Variants in SLC4A4 observed in about 807,000 individuals in gnomAD.
SLC4A4 encodes electrogenic sodium bicarbonate cotransporter 1.
Under a neutral mutation model 111.5 loss-of-function variants are expected in SLC4A4, and 27 were observed. The ratio of observed to expected loss-of-function variants is 0.24; its 90% CI spans 0.18 to 0.33. The LOEUF is 0.33. SLC4A4 is among the 10% of genes least tolerant of loss of function. The probability of loss-of-function intolerance (pLI) is 1.00; values close to 1 mark genes in which losing one functional copy is unlikely to be tolerated. For missense variants in SLC4A4, 909 were observed against 1,315.5 expected (o/e 0.69, Z 4.78); for synonymous variants, 443 against 463.4 (o/e 0.96, Z 0.57).
chr4:71,381,058 G>A (rs1287974351), intron 6 of SLC4A4, among the ~76,000 whole-genome samples: 1 of 152,198 alleles, frequency 6.6e-6, no homozygotes, highest in Non-Finnish European at 1.5e-5. Flanking sequence ...ATTATGGGCT[G>A]TGATCAGCTT....
At chr4:71,322,506 G>A (rs1295689551) in intron 3 of SLC4A4, among the ~76,000 whole-genome samples, 2 of 151,994 alleles carry the variant, frequency 1.3e-5, no homozygotes, top group Non-Finnish European at 2.9e-5. Context: ...AATCTGTAGA[G>A]TTTATTTTGG....
At chr4:71,080,963 C>T (rs556453094) in intron 1 of SLC4A4, among the ~76,000 whole-genome samples, 1 of 152,180 alleles carries the variant, frequency 6.6e-6, no homozygotes, top group Non-Finnish European at 1.5e-5. Flanking sequence ...TTTCTTCCTC[C>T]ACATATCCCC....
intron 2 of SLC4A4, among the ~76,000 whole-genome samples, chr4:71,144,605 T>C (rs1013704556): frequency 1.6e-4 from 25 of 151,592 alleles, no homozygotes; most frequent in Non-Finnish European, 7.4e-5. Context: ...CATTTGTTTG[T>C]ATCCTCTTTT....
At chr4:71,293,098 C>T (rs1724504422) in intron 3 of SLC4A4, among the ~76,000 whole-genome samples, 1 of 150,590 alleles carries the variant, frequency 6.6e-6, no homozygotes, top group South Asian at 2.1e-4. Context: ...GCTTCGGCCT[C>T]CCAAAGTGCT....
At chr4:71,269,358 C>A (rs147418467) in intron 3 of SLC4A4, among the ~76,000 whole-genome samples, 1 of 152,076 alleles carries the variant, frequency 6.6e-6, no homozygotes. Flanking sequence ...TAGCTTTTAC[C>A]GTATTTGAAA....
intron 2 of SLC4A4, among the ~76,000 whole-genome samples, chr4:71,174,219 TC>T (rs1345804658): frequency 6.6e-6 from 1 of 151,888 alleles, no homozygotes; most frequent in Non-Finnish European, 1.5e-5. Flanking sequence ...AAAGAGATTG[TC>T]CTCACTCAAA....
At chr4:71,339,950 G>T (rs1473982986) in intron 4 of SLC4A4, among the ~76,000 whole-genome samples, 7 of 152,016 alleles carry the variant, frequency 4.6e-5, no homozygotes, top group Non-Finnish European at 1.0e-4. Flanking sequence ...AGGTGCAGTG[G>T]CTTGTGCCTG....
chr4:71,354,050 A>G (rs941246463), intron 5 of SLC4A4, among the ~76,000 whole-genome samples: 1 of 152,258 alleles, frequency 6.6e-6, no homozygotes, highest in Non-Finnish European at 1.5e-5. Context: ...TCTTTAAAGT[A>G]TTATAAAGGA....
In SLC4A4 at chr4:71,532,078, G is replaced by A; in HGVS notation, c.2183G>A (p.Ser728Asn). 3.1e-6 allele frequency: 5 copies of A among 1,610,484 alleles called. No individual in the cohort carries two copies. The highest frequency in any genetic ancestry group is 4.2e-6 in the Non-Finnish European group (5 of 1,177,054). Residue 728 changes from serine (S) to asparagine (N), a missense_variant, in exon 17 of 26, where the codon AGT (serine) becomes AAT (asparagine). Around this residue, in one of 7 missense-constraint regions of SLC4A4, gnomAD observed 264 missense variants for 356.8 expected, o/e 0.74. Transcript: ENST00000264485. Reference protein sequence around the residue: ...YFPTTARKLISDFAIILSILI... With the variant: ...YFPTTARKLINDFAIILSILI... ...TTTTTCCAGGCAAGAAAACTGATCA[G>A]TGATTTTGCCATTATCTTGTCCATT...
chr4:71,450,551 A>T lies in SLC4A4; in HGVS notation c.1208+8A>T, dbSNP rs1211697144. On this transcript the variant is annotated splice_region_variant and intron_variant, in intron 10 of 25. Coordinates refer to ENST00000264485, the MANE Select transcript of SLC4A4 (RefSeq NM_001098484.3). ...TCCATCCTCTGACAAAAGGTAAATTATAGGCAGTTGATAATTTTCAGTAGC... is the reference window on the plus strand; with the variant it reads ...TCCATCCTCTGACAAAAGGTAAATTTTAGGCAGTTGATAATTTTCAGTAGC... 1.2e-6 allele frequency: 2 copies of T among 1,612,338 alleles called. No homozygotes were observed. The highest frequency in any genetic ancestry group is 1.1e-5 in the South Asian group (1 of 90,892).
chr4:71,366,354 T>TGTGG (rs994039177), intron 6 of SLC4A4, among the ~76,000 whole-genome samples: 10 of 151,658 alleles, frequency 6.6e-5, no homozygotes, highest in African/African-American at 2.2e-4. Flanking sequence ...TGTGTGTGTG[T>TGTGG]GTATCTATTT....
intron 3 of SLC4A4, among the ~76,000 whole-genome samples, chr4:71,319,191 T>C (rs1309485340): frequency 6.6e-6 from 1 of 152,062 alleles, no homozygotes; most frequent in Non-Finnish European, 1.5e-5. Flanking sequence ...TGTGCATAGC[T>C]TAGTTCCTTT....
chr4:71,221,601 A>T lies in SLC4A4; in HGVS notation c.-1-14975A>T, dbSNP rs1394773768. On this transcript the variant is annotated intron_variant, in intron 1 of 25. Transcript: ENST00000264485. ...TCTATGCTATTCTCATGATATCCAC[A>T]TATTAATCATCTGCTTTGGCATCTT... 1.3e-4 allele frequency among the ~76,000 whole-genome samples: 20 copies of T among 152,210 alleles called. 1 individual carries two copies. Among genetic ancestry groups the T allele is most frequent in the Non-Finnish European group, 2.9e-4 (20 of 68,030 alleles).
At chr4:71,332,168 A>T (rs1168192517) in intron 3 of SLC4A4, among the ~76,000 whole-genome samples, 1 of 151,948 alleles carries the variant, frequency 6.6e-6, no homozygotes, top group Non-Finnish European at 1.5e-5. Context: ...AATTTCATTT[A>T]TTCATGCTTT....
chr4:71,110,215 T>C (rs1053015970), intron 2 of SLC4A4, among the ~76,000 whole-genome samples: 1 of 152,124 alleles, frequency 6.6e-6, no homozygotes, highest in Non-Finnish European at 1.5e-5. Flanking sequence ...ATTTTTATTA[T>C]TTATTTATTT....
chr4:71,219,914 G>T (rs1454970229), intron 1 of SLC4A4, among the ~76,000 whole-genome samples: 1 of 152,192 alleles, frequency 6.6e-6, no homozygotes, highest in Non-Finnish European at 1.5e-5. Flanking sequence ...GAATGGATGG[G>T]GAGTCACTTC....
chr4:71,157,263 TTAG>T (rs1392798155), intron 2 of SLC4A4, among the ~76,000 whole-genome samples: 1 of 152,124 alleles, frequency 6.6e-6, no homozygotes, highest in African/African-American at 2.4e-5. Flanking sequence ...CAATCCAAAG[TTAG>T]TAGTGTGTGT....
At chr4:71,520,337 CA>C (rs869168917) in intron 16 of SLC4A4, among the ~76,000 whole-genome samples, 1 of 149,124 alleles carries the variant, frequency 6.7e-6, no homozygotes, top group South Asian at 2.2e-4. Flanking sequence ...TACTTTAAAA[CA>C]CTTAGACTTC....
rs181400348 is a variant in SLC4A4, at chr4:71,453,961, A to G, written c.1497+292A>G. Reference sequence around the variant, plus strand: ...AGCATATCAGCTGCTTTAATTTTGTACAGTGCACAAGGTTTAGATCTTCTA... The same window carrying G: ...AGCATATCAGCTGCTTTAATTTTGTGCAGTGCACAAGGTTTAGATCTTCTA... On this transcript the variant is annotated intron_variant, in intron 12 of 25. Transcript: ENST00000264485. 7.4e-4 allele frequency among the ~76,000 whole-genome samples: 112 copies of G among 152,340 alleles called. 1 individual carries two copies. In the East Asian group the frequency reaches 0.011, roughly 15 times the overall value.
Sources: gnomAD v4.1 joint callset for allele counts (sites outside exome capture counted in the v4.1 genomes callset) on GRCh38, gnomAD v4.1.1 for gene constraint, gnomAD v4.1.1 regional missense constraint, MANE v1.5 for transcripts, NCBI Gene and HGNC (gene_info 2026-07-23, HGNC 2026-07-21) for gene names.